The following ARMH3 variants were observed in gnomAD, a reference collection of about 807,000 sequenced individuals.
The protein encoded by ARMH3 is armadillo-like helical domain-containing protein 3.
In ARMH3, 60 loss-of-function variants were observed where a neutral mutation model predicts 99.1. The observed-to-expected ratio is 0.61, with a 90% CI of 0.49 to 0.75. The LOEUF (loss-of-function observed/expected upper bound fraction) is 0.75. ARMH3 is among the 30% of genes least tolerant of loss of function. The probability of loss-of-function intolerance (pLI) is 0.00; values close to 1 mark genes in which losing one functional copy is unlikely to be tolerated. For missense variants in ARMH3, 679 were observed against 843.1 expected (o/e 0.81, Z 2.41); for synonymous variants, 285 against 292.8 (o/e 0.97, Z 0.27).
chr10:102,000,529 C>T (rs376293139), intron 15 of ARMH3, among the ~76,000 whole-genome samples: 1 of 151,250 alleles, frequency 6.6e-6, no homozygotes, highest in African/African-American at 2.4e-5. Context: ...GAGGCCAAGG[C>T]GGGCAGATCA....
chr10:102,035,316 G>T (rs148063779), intron 2 of ARMH3, among the ~76,000 whole-genome samples: 2 of 151,976 alleles, frequency 1.3e-5, no homozygotes, highest in African/African-American at 4.8e-5. Flanking sequence ...AGTGAGCCAC[G>T]ATTGTGCCAC....
chr10:102,019,732 G>A (rs985207661), intron 8 of ARMH3, among the ~76,000 whole-genome samples: 1 of 151,530 alleles, frequency 6.6e-6, no homozygotes, highest in Non-Finnish European at 1.5e-5. Context: ...TCGAGACCAT[G>A]CTGGCTAACA....
chr10:101,996,124 G>T (rs1210380064), intron 15 of ARMH3, among the ~76,000 whole-genome samples: 1 of 152,224 alleles, frequency 6.6e-6, no homozygotes, highest in Non-Finnish European at 1.5e-5. Flanking sequence ...CCAAGTACGA[G>T]AACCCATCAA....
At chr10:101,969,154 G>A (rs917596747) in intron 20 of ARMH3, among the ~76,000 whole-genome samples, 4 of 152,024 alleles carry the variant, frequency 2.6e-5, no homozygotes, top group East Asian at 1.9e-4. Flanking sequence ...GTTCTTTCCC[G>A]CCTGGATACT....
Position 102,020,753 on chromosome 10 carries a change from T to C in ARMH3, c.669+2724A>G, listed in dbSNP as rs187659980. Among the ~76,000 whole-genome samples the C allele has an allele frequency of 9.6e-3, 1,379 of 143,016 alleles. 15 individuals carry two copies. Among genetic ancestry groups the C allele is most frequent in the African/African-American group, 0.031 (1,194 of 38,004 alleles). The allele number at this position is 143,016 out of a possible 152,430, so 93.8% of individuals were successfully genotyped here. ...CTGTAATCCCAGCTACTCAGGAGGC[T>C]AAGGCAGGACAATCACTTGAACCTG... On this transcript the variant is annotated intron_variant, in intron 8 of 25. Coordinates refer to ENST00000370033, the MANE Select transcript of ARMH3 (RefSeq NM_024541.3).
chr10:101,989,766 G>GT (rs1450107730), intron 19 of ARMH3, among the ~76,000 whole-genome samples: 3 of 152,158 alleles, frequency 2.0e-5, no homozygotes, highest in East Asian at 3.8e-4. Flanking sequence ...TGGTCAAACA[G>GT]TTCTCCTCAG....
intron 23 of ARMH3, among the ~76,000 whole-genome samples, chr10:101,894,321 C>A (rs1024422261): frequency 2.0e-5 from 3 of 152,172 alleles, no homozygotes; most frequent in Non-Finnish European, 4.4e-5. Flanking sequence ...GGCTTGGAGG[C>A]TTCCCATTAA....
At chr10:101,866,561 T>C (rs955631414) in intron 24 of ARMH3, among the ~76,000 whole-genome samples, 7 of 151,472 alleles carry the variant, frequency 4.6e-5, no homozygotes, top group African/African-American at 1.5e-4. Flanking sequence ...GGCATGAAAA[T>C]CTTGCATTTT....
chr10:101,942,048 C>CT (rs1844264775), intron 22 of ARMH3, among the ~76,000 whole-genome samples: 2 of 152,164 alleles, frequency 1.3e-5, no homozygotes, highest in Non-Finnish European at 2.9e-5. Context: ...CTGTTCCTTA[C>CT]TGAACAGGCA....
At chr10:101,971,718 G>A (rs1001660905) in intron 20 of ARMH3, among the ~76,000 whole-genome samples, 2 of 152,202 alleles carry the variant, frequency 1.3e-5, no homozygotes, top group Non-Finnish European at 2.9e-5. Flanking sequence ...AAATATATAT[G>A]TGCAAATGGA....
Position 101,956,683 on chromosome 10 carries a change from G to A in ARMH3, c.1619C>T (p.Thr540Ile). The change falls in exon 22 of 26, where the codon ACA becomes ATA. Residue 540 changes from threonine to isoleucine, a missense_variant. Thr to Ile is a moderately conservative substitution (Grantham distance 89). Coordinates refer to ENST00000370033, the MANE Select transcript of ARMH3 (RefSeq NM_024541.3). ...ATAGCTGCTGGGGGTTGGCAGAAAT[G>A]TGTCGCCATATGTGATAAACATATT... is the stretch of plus-strand genomic sequence containing the variant. ...LFNMFITYGD[T>I]FLPTPSSYDE... 6.2e-7 allele frequency: 1 copy of A among 1,613,650 alleles called. No homozygotes were observed. Among genetic ancestry groups the A allele is most frequent in the Non-Finnish European group, 8.5e-7 (1 of 1,179,652 alleles).
At chr10:102,041,899 C>T (rs982880201) in intron 1 of ARMH3, among the ~76,000 whole-genome samples, 3 of 152,124 alleles carry the variant, frequency 2.0e-5, no homozygotes, top group African/African-American at 2.4e-5. Flanking sequence ...CCGCCTGCCT[C>T]GGCCTCCCAA....
At chr10:101,895,435 A>G (rs1044560569) in intron 23 of ARMH3, among the ~76,000 whole-genome samples, 9 of 151,916 alleles carry the variant, frequency 5.9e-5, no homozygotes, top group Admixed American at 2.6e-4. Flanking sequence ...GCCCGCCACC[A>G]CGCCCGGCTA....
chr10:101,893,204 G>C (rs1358298327), intron 23 of ARMH3, among the ~76,000 whole-genome samples: 1 of 152,212 alleles, frequency 6.6e-6, no homozygotes, highest in African/African-American at 2.4e-5. Flanking sequence ...CTGAGTCATA[G>C]GGTTTAGTGT....
intron 1 of ARMH3, among the ~76,000 whole-genome samples, chr10:102,045,737 C>A (rs2067533530): frequency 6.6e-6 from 1 of 151,852 alleles, no homozygotes; most frequent in African/African-American, 2.4e-5. Context: ...AATAGAATAC[C>A]ACATAGAAAT....
intron 23 of ARMH3, among the ~76,000 whole-genome samples, chr10:101,908,669 T>C (rs1397121436): frequency 2.0e-5 from 3 of 151,404 alleles, no homozygotes; most frequent in African/African-American, 7.3e-5. Context: ...TTTTTCTTTT[T>C]TTTTTTTTTT....
At chr10:101,907,511 A>C (rs950736614) in intron 23 of ARMH3, among the ~76,000 whole-genome samples, 1 of 151,726 alleles carries the variant, frequency 6.6e-6, no homozygotes, top group Non-Finnish European at 1.5e-5. Context: ...GCCTCTGAGT[A>C]GCTGGGATTA....
chr10:101,856,231 C>T (rs1479673588), intron 24 of ARMH3, among the ~76,000 whole-genome samples: 1 of 152,184 alleles, frequency 6.6e-6, no homozygotes, highest in African/African-American at 2.4e-5. Context: ...CCCTGCTCAA[C>T]CCTGTTGATA....
chr10:101,892,220 G>A lies in ARMH3; in HGVS notation c.1782-2730C>T, dbSNP rs1027005469. 3.9e-5 allele frequency among the ~76,000 whole-genome samples: 6 copies of A among 152,178 alleles called. No homozygotes were observed. In the East Asian group the frequency reaches 7.7e-4, roughly 20 times the overall value. On this transcript the variant is annotated intron_variant, in intron 23 of 25. Transcript: ENST00000370033. ...AGCACTTTGGGAGGCTAAGGTGGGC[G>A]GATTACTTGAACCCAGGAGTTCGAG...
Sources: gnomAD v4.1 joint callset for allele counts (sites outside exome capture counted in the v4.1 genomes callset) on GRCh38, gnomAD v4.1.1 for gene constraint, MANE v1.5 for transcripts, NCBI Gene and HGNC (gene_info 2026-07-23, HGNC 2026-07-21) for gene names.